CSRNP3: variants seen among roughly 807,000 people sequenced by gnomAD.
The protein encoded by CSRNP3 is cysteine and serine rich nuclear protein 3.
A neutral mutation model predicts 48.0 loss-of-function variants in CSRNP3; 12 were observed. The observed-to-expected ratio is 0.25, with a 90% confidence interval of 0.16 to 0.41. The LOEUF (loss-of-function observed/expected upper bound fraction) is 0.41. Among genes scored for constraint, CSRNP3 ranks in the 10% least tolerant of loss-of-function variants. CSRNP3 has a pLI of 1.00. For synonymous variants in CSRNP3, 263 were observed against 269.7 expected, an observed-to-expected ratio of 0.98 and a Z score of 0.24; for missense variants, 580 against 724.4, an observed-to-expected ratio of 0.80 and a Z score of 2.29.
intron 3 of CSRNP3, among the ~76,000 whole-genome samples, chr2:165,533,182 G>T (rs1684837771): frequency 6.6e-6 from 1 of 152,118 alleles, no homozygotes. Context: ...CTGTTAAATA[G>T]AAATCATAAG....
chr2:165,526,594 C>T (rs542831898), intron 3 of CSRNP3, among the ~76,000 whole-genome samples: 2 of 152,134 alleles, frequency 1.3e-5, no homozygotes, highest in Non-Finnish European at 2.9e-5. Flanking sequence ...ATATAGCATA[C>T]TGAGAGAGCA....
intron 3 of CSRNP3, among the ~76,000 whole-genome samples, chr2:165,567,658 G>A (rs972553799): frequency 2.0e-5 from 3 of 152,034 alleles, no homozygotes; most frequent in Admixed American, 6.6e-5. Flanking sequence ...GCATGTGTGT[G>A]TGTGTTTTAA....
rs375118573 is a variant in CSRNP3, at chr2:165,627,992, G to A, written c.149-29769G>A. ...ATTGTACTGGAGCTGTTAATGCTTC[G>A]AAATGTTTGCTAAAACAAGCAAAAA... On this transcript the variant is annotated intron_variant, in intron 4 of 6. Coordinates refer to ENST00000651982, the MANE Select transcript of CSRNP3 (RefSeq NM_001172173.2). 8.6e-4 allele frequency among the ~76,000 whole-genome samples: 131 copies of A among 152,236 alleles called. 1 individual carries two copies. The highest frequency in any genetic ancestry group is 3.0e-3 in the African/African-American group (123 of 41,534).
chr2:165,674,395 A>C (rs1000346194), intron 5 of CSRNP3, among the ~76,000 whole-genome samples: 2 of 152,108 alleles, frequency 1.3e-5, no homozygotes, highest in Non-Finnish European at 2.9e-5. Context: ...AGATCTTTAC[A>C]GCTAAAAACA....
At chr2:165,615,400 G>A (rs1279187646) in intron 4 of CSRNP3, among the ~76,000 whole-genome samples, 4 of 151,874 alleles carry the variant, frequency 2.6e-5, no homozygotes, top group African/African-American at 4.8e-5. Context: ...AAAATTAGCC[G>A]GGTGTGGTGG....
intron 2 of CSRNP3, among the ~76,000 whole-genome samples, chr2:165,501,111 G>T (rs944940271): frequency 1.3e-5 from 2 of 152,024 alleles, no homozygotes; most frequent in African/African-American, 4.8e-5. Flanking sequence ...CTTGCCAAAA[G>T]AATTGATTAG....
intron 5 of CSRNP3, among the ~76,000 whole-genome samples, chr2:165,668,786 T>TA (rs1687279492): frequency 6.6e-6 from 1 of 152,166 alleles, no homozygotes; most frequent in Non-Finnish European, 1.5e-5. Flanking sequence ...GATCAGCTCT[T>TA]AGAGTGTACT....
chr2:165,515,695 C>T (rs1036783280), intron 2 of CSRNP3, among the ~76,000 whole-genome samples: 7 of 151,368 alleles, frequency 4.6e-5, no homozygotes, highest in African/African-American at 9.7e-5. Context: ...TTTTCACTAA[C>T]GAGAAAAGTT....
rs1030576858 is a variant in CSRNP3, at chr2:165,618,483, T to C, written c.148+23270T>C. On this transcript the variant is annotated intron_variant, in intron 4 of 6. Transcript: ENST00000651982. ...TTGCTAATACAGACTACCCAAATAGTACTGTCATTTAATTGGGCTCTATGC... is the reference window on the plus strand; with the variant it reads ...TTGCTAATACAGACTACCCAAATAGCACTGTCATTTAATTGGGCTCTATGC... 4.6e-5 allele frequency among the ~76,000 whole-genome samples: 7 copies of C among 152,228 alleles called. No homozygotes were observed. The East Asian group carries it at 1.3e-3, about 29-fold the overall frequency.
At chr2:165,626,637 A>AGACCTGTTGTACAGACT (rs1342293275) in intron 4 of CSRNP3, among the ~76,000 whole-genome samples, 2 of 152,208 alleles carry the variant, frequency 1.3e-5, no homozygotes, top group Non-Finnish European at 2.9e-5. Flanking sequence ...CAAGCAGGTC[A>AGACCTGTTGTACAGACT]GTACAGACTG....
intron 3 of CSRNP3, among the ~76,000 whole-genome samples, chr2:165,574,747 GA>G (rs1364425256): frequency 1.3e-5 from 2 of 152,096 alleles, no homozygotes; most frequent in Non-Finnish European, 2.9e-5. Context: ...ACAACTTTTA[GA>G]GGATTTTCAC....
At chr2:165,520,743 A>T (rs1176903688) in intron 3 of CSRNP3, among the ~76,000 whole-genome samples, 2 of 143,702 alleles carry the variant, frequency 1.4e-5, no homozygotes, top group Admixed American at 1.4e-4. Flanking sequence ...TATTTTATAG[A>T]TATATAAATA....
chr2:165,477,483 A>AATATATATATATATATATATATAT (rs200408228), intron 1 of CSRNP3, among the ~76,000 whole-genome samples: 109 of 129,600 alleles, frequency 8.4e-4, no homozygotes, highest in African/African-American at 2.1e-3. Context: ...ATATATATGA[A>AATATATATATATATATATATATAT]ATATATATAT....
Position 165,678,841 on chromosome 2 carries a change from G to A in CSRNP3, c.846G>A (p.Glu282=). The A allele has an allele frequency of 6.2e-7, 1 of 1,614,070 alleles. No homozygotes were observed. Among genetic ancestry groups the A allele is most frequent in the South Asian group, 1.1e-5 (1 of 91,082 alleles). ...IMKLELEKNR[E]QQIPTLNGCH... ...AACTTGAACTGGAGAAAAACCGAGA[G>A]CAGCAAATCCCCACGCTGAATGGCT... The change falls in exon 7 of 7, where the codon GAG becomes GAA. Residue 282 remains glutamate (E), a synonymous_variant. Coordinates refer to ENST00000651982, the MANE Select transcript of CSRNP3 (RefSeq NM_001172173.2).
At chr2:165,556,455 G>T (rs1685161875) in intron 3 of CSRNP3, among the ~76,000 whole-genome samples, 1 of 152,116 alleles carries the variant, frequency 6.6e-6, no homozygotes, top group South Asian at 2.1e-4. Flanking sequence ...GAATGGATTA[G>T]ATTGCCAAGG....
chr2:165,648,276 G>A (rs1323187702), intron 4 of CSRNP3, among the ~76,000 whole-genome samples: 2 of 152,038 alleles, frequency 1.3e-5, no homozygotes, highest in African/African-American at 2.4e-5. Flanking sequence ...ACAAAAATTA[G>A]TAGATCACTC....
intron 3 of CSRNP3, among the ~76,000 whole-genome samples, chr2:165,524,861 A>C (rs1684712508): frequency 6.6e-6 from 1 of 152,272 alleles, no homozygotes. Flanking sequence ...TAGGTTGTTT[A>C]GTTTTTGGTG....
At chr2:165,602,091 C>A (rs1304524415) in intron 4 of CSRNP3, among the ~76,000 whole-genome samples, 1 of 152,052 alleles carries the variant, frequency 6.6e-6, no homozygotes, top group African/African-American at 2.4e-5. Context: ...AGACATATGT[C>A]GCAATCTACC....
chr2:165,550,907 G>A (rs933217413), intron 3 of CSRNP3, among the ~76,000 whole-genome samples: 3 of 151,846 alleles, frequency 2.0e-5, no homozygotes, highest in African/African-American at 7.3e-5. Flanking sequence ...TCTCAAACAT[G>A]GTTTCCTTGC....
Sources: gnomAD v4.1 joint callset for allele counts (sites outside exome capture counted in the v4.1 genomes callset) on GRCh38, gnomAD v4.1.1 for gene constraint, MANE v1.5 for transcripts, NCBI Gene and HGNC (gene_info 2026-07-23, HGNC 2026-07-21) for gene names.